Variants in GLT1D1 observed in about 807,000 individuals in gnomAD.
GLT1D1 encodes glycosyltransferase 1 domain containing 1, also known as glycosyltransferase 1 domain-containing protein 1.
A neutral mutation model predicts 28.7 loss-of-function variants in GLT1D1; 21 were observed. The ratio of observed to expected loss-of-function variants is 0.73; its 90% CI spans 0.52 to 1.05. The LOEUF (loss-of-function observed/expected upper bound fraction) is 1.05, where lower values mean the gene tolerates loss of function less well. Ranked by LOEUF, GLT1D1 falls within the 50% of genes least tolerant of loss-of-function variation. The pLI, the probability that GLT1D1 is intolerant of heterozygous loss-of-function variation, is 0.00. For missense variants in GLT1D1, 343 were observed against 330.6 expected (o/e 1.04, Z -0.29); for synonymous variants, 147 against 124.8 (o/e 1.18, Z -1.19).
chr12:128,885,144 G>A (rs1957147852), intron 2 of GLT1D1, among the ~76,000 whole-genome samples: 1 of 151,964 alleles, frequency 6.6e-6, no homozygotes, highest in Admixed American at 6.6e-5. Flanking sequence ...TAAAAAGAGA[G>A]TTTGCAAAAA....
chr12:128,914,591 G>A (rs637196), intron 4 of GLT1D1, among the ~76,000 whole-genome samples: 58,781 of 151,854 alleles, frequency 0.39, 11,882 homozygotes, highest in East Asian at 0.75. Flanking sequence ...AGGCTGAGGC[G>A]GGAGGATCAC....
chr12:128,933,016 C>T (rs1199652322), intron 4 of GLT1D1, among the ~76,000 whole-genome samples: 1 of 152,252 alleles, frequency 6.6e-6, no homozygotes, highest in Non-Finnish European at 1.5e-5. Context: ...TGAAGCCTCA[C>T]AGCGTGGGGG....
At chr12:128,927,530 G>A (rs1249971933) in intron 4 of GLT1D1, among the ~76,000 whole-genome samples, 2 of 151,866 alleles carry the variant, frequency 1.3e-5, no homozygotes, top group Admixed American at 1.3e-4. Context: ...GAGCCACCGC[G>A]CCCAGCTTAC....
intron 4 of GLT1D1, among the ~76,000 whole-genome samples, chr12:128,904,702 C>T (rs544197943): frequency 2.0e-5 from 3 of 146,342 alleles, no homozygotes; most frequent in South Asian, 2.1e-4. Context: ...AGTGCGATCT[C>T]GGCTCACCGC....
intron 1 of GLT1D1, among the ~76,000 whole-genome samples, chr12:128,858,387 T>C (rs113802883): frequency 2.6e-5 from 4 of 152,272 alleles, no homozygotes; most frequent in African/African-American, 9.6e-5. Context: ...TGTAAAGAAT[T>C]TCTGCCGGGC....
chr12:128,875,884 C>A (rs982950003), intron 1 of GLT1D1, 30 bp from the exon 2 acceptor site: 1 of 1,595,522 alleles, frequency 6.3e-7, no homozygotes, highest in East Asian at 2.2e-5. Flanking sequence ...TTCCCCTCAT[C>A]TTCTCCTTTC....
intron 4 of GLT1D1, among the ~76,000 whole-genome samples, chr12:128,900,842 G>T (rs760223813): frequency 6.6e-6 from 1 of 152,040 alleles, no homozygotes; most frequent in African/African-American, 2.4e-5. Flanking sequence ...CACCATGTTG[G>T]CCAGGCTGGT....
chr12:128,855,746 C>CTTTT (rs34715979), intron 1 of GLT1D1, among the ~76,000 whole-genome samples: 5,855 of 94,970 alleles, frequency 0.062, 223 homozygotes, highest in African/African-American at 0.085. Flanking sequence ...TGCTGGTTGC[C>CTTTT]TTTTTTTTTT....
At chr12:128,901,561 C>T (rs1190508) in intron 4 of GLT1D1, among the ~76,000 whole-genome samples, 12,684 of 151,932 alleles carry the variant, frequency 0.083, 633 homozygotes, top group East Asian at 0.26. Flanking sequence ...CTCAGCCTCC[C>T]AAGTAGCTGG....
At chr12:128,891,379 C>A (rs1869035484) in intron 3 of GLT1D1, among the ~76,000 whole-genome samples, 1 of 152,186 alleles carries the variant, frequency 6.6e-6, no homozygotes, top group Non-Finnish European at 1.5e-5. Flanking sequence ...TAGAAGAAAG[C>A]TTCACCTGTG....
chr12:128,978,982 CTG>C (rs895994343), intron 7 of GLT1D1, among the ~76,000 whole-genome samples: 4 of 152,136 alleles, frequency 2.6e-5, no homozygotes. Flanking sequence ...TTACTGCAAA[CTG>C]TTTCATCAGC....
chr12:128,902,351 T>G (rs1215222855), intron 4 of GLT1D1, among the ~76,000 whole-genome samples: 1 of 151,044 alleles, frequency 6.6e-6, no homozygotes, highest in Non-Finnish European at 1.5e-5. Flanking sequence ...GGCATGGTGG[T>G]GCGTGCCTGT....
chr12:128,868,548 T>C (rs1394482052), intron 1 of GLT1D1, among the ~76,000 whole-genome samples: 2 of 152,304 alleles, frequency 1.3e-5, no homozygotes, highest in East Asian at 1.9e-4. Context: ...ACAGGTGTTG[T>C]GGATCTTGAA....
At position 128,926,343 on chromosome 12, in the gene GLT1D1, A is replaced by G; in HGVS notation, c.376-18983A>G. On this transcript the variant is annotated intron_variant, in intron 4 of 7. Transcript: ENST00000281703. Reference sequence around the variant, plus strand: ...AGCCCTCCCCACTGAAAACATTCTGAACTCTTCTCTTACAGAGATTAACCA... The same window carrying G: ...AGCCCTCCCCACTGAAAACATTCTGGACTCTTCTCTTACAGAGATTAACCA... 1 of 1,366,666 alleles carries G rather than the reference A, an allele frequency of 7.3e-7. No individual in the cohort carries two copies. 84.7% of individuals were successfully genotyped at this position (1,366,666 alleles called of 1,614,324 possible).
chr12:128,969,179 T>C (rs1445870857), intron 7 of GLT1D1, among the ~76,000 whole-genome samples: 1 of 145,152 alleles, frequency 6.9e-6, no homozygotes, highest in Non-Finnish European at 1.5e-5. Context: ...TTCCTCTGTC[T>C]CTGTTTCTGT....
At chr12:128,943,212 T>G (rs983986212) in intron 4 of GLT1D1, among the ~76,000 whole-genome samples, 1 of 152,256 alleles carries the variant, frequency 6.6e-6, no homozygotes, top group Non-Finnish European at 1.5e-5. Context: ...GTGTAAAGTC[T>G]TTTTATTGGC....
chr12:128,863,825 A>C (rs967457170), intron 1 of GLT1D1, among the ~76,000 whole-genome samples: 9 of 151,986 alleles, frequency 5.9e-5, no homozygotes, highest in African/African-American at 1.9e-4. Flanking sequence ...GGGCACCTGC[A>C]ATCCCAGCTA....
chr12:128,955,556 A>G (rs1209509275), intron 6 of GLT1D1, among the ~76,000 whole-genome samples: 4 of 149,826 alleles, frequency 2.7e-5, no homozygotes, highest in Admixed American at 2.7e-4. Flanking sequence ...CACACCATTC[A>G]TGCATTGCAT....
At chr12:128,908,810 G>A (rs1418025943) in intron 4 of GLT1D1, among the ~76,000 whole-genome samples, 2 of 152,070 alleles carry the variant, frequency 1.3e-5, no homozygotes, top group African/African-American at 2.4e-5. Flanking sequence ...TTAGCCGGGC[G>A]TGGTGACGGG....
Sources: allele counts gnomAD v4.1 joint callset (sites outside exome capture counted in the v4.1 genomes callset), GRCh38; gene constraint gnomAD v4.1.1; transcripts MANE v1.5; gene names NCBI Gene and HGNC (gene_info 2026-07-23, HGNC 2026-07-21).